The following GALNT13 variants were observed in gnomAD, a reference collection of about 807,000 sequenced individuals.
The protein encoded by GALNT13 is UDP-GalNAc:polypeptide N-acetylgalactosaminyltransferase 13.
A neutral mutation model predicts 64.2 loss-of-function variants in GALNT13; 28 were observed. The observed-to-expected ratio is 0.44, with a 90% CI of 0.32 to 0.60. GALNT13 has a LOEUF of 0.60. Among genes scored for constraint, GALNT13 ranks in the 20% least tolerant of loss-of-function variants. The probability of loss-of-function intolerance (pLI) is 0.05; values close to 1 mark genes in which losing one functional copy is unlikely to be tolerated. For missense variants in GALNT13, 577 were observed against 669.8 expected, an observed-to-expected ratio of 0.86 and a Z score of 1.53; for synonymous variants, 214 against 224.6, an observed-to-expected ratio of 0.95 and a Z score of 0.42.
At chr2:153,210,969 C>T in the GALNT13 span, among the ~76,000 whole-genome samples, 15 of 152,092 alleles carry the variant, frequency 9.9e-5, no homozygotes, top group Non-Finnish European at 2.1e-4. Context: ...TGAACCTATG[C>T]TGTACAGAAA....
At chr2:153,411,860 A>G in the GALNT13 span, among the ~76,000 whole-genome samples, 1 of 152,142 alleles carries the variant, frequency 6.6e-6, no homozygotes, top group Non-Finnish European at 1.5e-5. Flanking sequence ...ACTTGATTGG[A>G]TTGAAAGATG....
At chr2:153,959,234 C>CA (rs772991351) in intron 3 of GALNT13, among the ~76,000 whole-genome samples, 41 of 152,252 alleles carry the variant, frequency 2.7e-4, no homozygotes, top group Admixed American at 4.6e-4. Context: ...GAGTGTCAAC[C>CA]AATGAGGGTC....
At chr2:154,105,761 T>C (rs1320400975) in intron 3 of GALNT13, among the ~76,000 whole-genome samples, 3 of 152,236 alleles carry the variant, frequency 2.0e-5, no homozygotes, top group Non-Finnish European at 4.4e-5. Context: ...CTAAGACTTA[T>C]ATTGTCCAAT....
chr2:153,443,650 C>T, the GALNT13 span, among the ~76,000 whole-genome samples: 32 of 152,220 alleles, frequency 2.1e-4, no homozygotes, highest in Admixed American at 1.9e-3. Flanking sequence ...AGGCCAGGTG[C>T]GGTGGCTCAC....
At chr2:153,394,571 TAG>T in the GALNT13 span, among the ~76,000 whole-genome samples, 1 of 152,110 alleles carries the variant, frequency 6.6e-6, no homozygotes, top group Non-Finnish European at 1.5e-5. Context: ...TTATAAAACT[TAG>T]CATGAACTCC....
At chr2:153,219,294 A>G in the GALNT13 span, among the ~76,000 whole-genome samples, 7 of 151,620 alleles carry the variant, frequency 4.6e-5, no homozygotes, top group South Asian at 8.3e-4. Flanking sequence ...TGGTGAAACA[A>G]TGTAACCTCC....
chr2:153,526,200 A>G, the GALNT13 span, among the ~76,000 whole-genome samples: 1 of 152,220 alleles, frequency 6.6e-6, no homozygotes, highest in Non-Finnish European at 1.5e-5. Context: ...CAGGGCCTTG[A>G]GCAAACATAG....
chr2:154,184,493 A>AT (rs1476361235), intron 4 of GALNT13, among the ~76,000 whole-genome samples: 1 of 150,290 alleles, frequency 6.7e-6, no homozygotes, highest in East Asian at 2.0e-4. Context: ...TTCCTTTGTG[A>AT]TTTTTTTCTT....
At chr2:153,388,567 A>G in the GALNT13 span, among the ~76,000 whole-genome samples, 1 of 152,072 alleles carries the variant, frequency 6.6e-6, no homozygotes, top group Non-Finnish European at 1.5e-5. Flanking sequence ...ACTTCTAGCA[A>G]CCTACTAAAA....
At chr2:153,303,910 A>G in the GALNT13 span, among the ~76,000 whole-genome samples, 1 of 152,074 alleles carries the variant, frequency 6.6e-6, no homozygotes, top group Admixed American at 6.6e-5. Flanking sequence ...GAAATTGCTT[A>G]TAAAGGCCAG....
chr2:153,710,812 T>A, the GALNT13 span, among the ~76,000 whole-genome samples: 1 of 152,134 alleles, frequency 6.6e-6, no homozygotes, highest in Admixed American at 6.6e-5. Context: ...TACTACCTAG[T>A]TGATACATTT....
the GALNT13 span, among the ~76,000 whole-genome samples, chr2:153,237,117 G>C: frequency 6.6e-6 from 1 of 152,046 alleles, no homozygotes; most frequent in Non-Finnish European, 1.5e-5. Context: ...AGTTGTAACT[G>C]AATTTCTGTA....
At chr2:153,363,202 T>C in the GALNT13 span, among the ~76,000 whole-genome samples, 4 of 151,918 alleles carry the variant, frequency 2.6e-5, no homozygotes, top group Admixed American at 2.6e-4. Flanking sequence ...AAAGGCACAA[T>C]GTACCAGAAT....
the GALNT13 span, among the ~76,000 whole-genome samples, chr2:153,714,200 C>T: frequency 2.6e-5 from 4 of 152,112 alleles, no homozygotes; most frequent in African/African-American, 9.7e-5. Flanking sequence ...AATTGATAGT[C>T]CGACTGAGAC....
rs1046643234 is a variant in GALNT13 at position 154,123,610 on chromosome 2, A to G, written c.143-16727A>G. On this transcript the variant is annotated intron_variant, in intron 3 of 12. Transcript: ENST00000392825. ...GTGAAAGGTGTGTGGAGCAGCTGGA[A>G]CTCTGACACATTTCTAGTGAAAAAG... Among the ~76,000 whole-genome samples, 15 of 151,958 alleles carry G rather than the reference A, an allele frequency of 9.9e-5. 1 individual carries two copies. The highest frequency in any genetic ancestry group is 9.8e-4 in the Admixed American group (15 of 15,254).
At chr2:154,181,715 G>T (rs1453034937) in intron 4 of GALNT13, among the ~76,000 whole-genome samples, 1 of 151,804 alleles carries the variant, frequency 6.6e-6, no homozygotes, top group Non-Finnish European at 1.5e-5. Context: ...ATGACTGCAG[G>T]TTACCTTTAC....
At chr2:154,246,010 A>T (rs767176614) in intron 7 of GALNT13, 28 bp downstream of exon 7, 5 of 1,502,920 alleles carry the variant, frequency 3.3e-6, no homozygotes, top group Non-Finnish European at 4.6e-6. Flanking sequence ...CTTGAAGATT[A>T]TGTATATCCC....
At chr2:153,920,149 G>A (rs891546743) in intron 2 of GALNT13, among the ~76,000 whole-genome samples, 6 of 151,472 alleles carry the variant, frequency 4.0e-5, no homozygotes, top group South Asian at 4.2e-4. Flanking sequence ...AGGCCTCTTC[G>A]GATTCTCAGT....
intron 10 of GALNT13, among the ~76,000 whole-genome samples, 197 bp downstream of exon 10, chr2:154,396,327 T>C (rs967435743): frequency 6.6e-6 from 1 of 152,052 alleles, no homozygotes; most frequent in African/African-American, 2.4e-5. Context: ...AATTTTAACA[T>C]TGAACAAAAA....
Sources: allele counts gnomAD v4.1 joint callset (sites outside exome capture counted in the v4.1 genomes callset), GRCh38; gene constraint gnomAD v4.1.1; transcripts MANE v1.5; gene names NCBI Gene and HGNC (gene_info 2026-07-23, HGNC 2026-07-21).